Variants in FIGN observed in about 807,000 individuals in gnomAD.
FIGN encodes the protein fidgetin, microtubule severing factor, also known as fidgetin.
FIGN carries 11 observed loss-of-function variants against 51.3 expected under a neutral mutation model. The ratio of observed to expected loss-of-function variants is 0.21; its 90% confidence interval spans 0.13 to 0.35. The LOEUF (loss-of-function observed/expected upper bound fraction) is 0.35, where lower values mean the gene tolerates loss of function less well. Among genes scored for constraint, FIGN ranks in the 10% least tolerant of loss-of-function variants. The probability of loss-of-function intolerance (pLI) is 1.00; values close to 1 mark genes in which losing one functional copy is unlikely to be tolerated. For missense variants in FIGN, 857 were observed against 943.6 expected, an observed-to-expected ratio of 0.91 and a Z score of 1.20; for synonymous variants, 407 against 363.2, an observed-to-expected ratio of 1.12 and a Z score of -1.37.
chr2:163,689,173 A>AACACAC (rs58519537), intron 2 of FIGN, among the ~76,000 whole-genome samples: 1,546 of 144,756 alleles, frequency 0.011, 36 homozygotes, highest in African/African-American at 0.038. Flanking sequence ...AACAAAAATG[A>AACACAC]ACACACACAC....
intron 2 of FIGN, among the ~76,000 whole-genome samples, chr2:163,653,843 G>T (rs1366158096): frequency 6.6e-6 from 1 of 151,874 alleles, no homozygotes; most frequent in Admixed American, 6.6e-5. Context: ...TTAATTTTAG[G>T]TACAGTTTTA....
intron 2 of FIGN, among the ~76,000 whole-genome samples, chr2:163,627,606 T>C (rs1683072696): frequency 6.6e-6 from 1 of 152,128 alleles, no homozygotes; most frequent in African/African-American, 2.4e-5. Flanking sequence ...CTCAAGTTTC[T>C]TCTCAAAATG....
intron 2 of FIGN, among the ~76,000 whole-genome samples, chr2:163,643,932 CAA>C (rs1162234909): frequency 6.8e-4 from 13 of 19,076 alleles, no homozygotes; most frequent in Admixed American, 1.3e-3. Context: ...AACTCTGTCT[CAA>C]AAAAAAAAAA....
At chr2:163,668,527 T>C (rs747621980) in intron 2 of FIGN, among the ~76,000 whole-genome samples, 12 of 152,246 alleles carry the variant, frequency 7.9e-5, no homozygotes, top group Admixed American at 3.9e-4. Flanking sequence ...AATGAAAGCC[T>C]GATTTGAATT....
chr2:163,668,014 A>AAC (rs1491089658), intron 2 of FIGN, among the ~76,000 whole-genome samples: 16 of 106,878 alleles, frequency 1.5e-4, no homozygotes, highest in East Asian at 3.8e-4. Flanking sequence ...CCTACCTCCA[A>AAC]CCCCCCCCCC....
intron 2 of FIGN, among the ~76,000 whole-genome samples, chr2:163,732,905 T>G (rs1248674131): frequency 6.6e-6 from 1 of 152,226 alleles, no homozygotes; most frequent in Non-Finnish European, 1.5e-5. Context: ...CACAACACAC[T>G]TTTAATTTGC....
At chr2:163,651,086 C>T (rs1683466656) in intron 2 of FIGN, among the ~76,000 whole-genome samples, 1 of 152,198 alleles carries the variant, frequency 6.6e-6, no homozygotes, top group Admixed American at 6.5e-5. Flanking sequence ...TCTGCACATA[C>T]TAAAGACTTA....
In FIGN at chr2:163,643,381, T is replaced by C. The variant is rs140885287; in HGVS notation, c.26-31575A>G. ...ACAATATACAAATGTACAGGGGTGG[T>C]AGCTGATGCTTGTAATCCCAGCATT... On this transcript the variant is annotated intron_variant, in intron 2 of 2. Transcript: ENST00000333129. Among the ~76,000 whole-genome samples the C allele has an allele frequency of 9.3e-4, 142 of 152,268 alleles. 1 individual carries two copies. In the Middle Eastern group the frequency reaches 0.034, roughly 36 times the overall value.
chr2:163,623,637 A>C (rs1683006665), intron 2 of FIGN, among the ~76,000 whole-genome samples: 1 of 152,174 alleles, frequency 6.6e-6, no homozygotes, highest in Non-Finnish European at 1.5e-5. Context: ...CATACCTAGA[A>C]CCAGTATCCT....
chr2:163,674,098 T>C (rs1683920969), intron 2 of FIGN, among the ~76,000 whole-genome samples: 1 of 152,170 alleles, frequency 6.6e-6, no homozygotes, highest in African/African-American at 2.4e-5. Context: ...GTTTTCTCAC[T>C]TCTCTCTCAG....
chr2:163,631,640 T>A (rs1208821780), intron 2 of FIGN, among the ~76,000 whole-genome samples: 1 of 152,168 alleles, frequency 6.6e-6, no homozygotes, highest in Non-Finnish European at 1.5e-5. Flanking sequence ...GTACTTATAC[T>A]GCATTTTGTT....
intron 2 of FIGN, among the ~76,000 whole-genome samples, chr2:163,697,107 T>C (rs1406652591): frequency 1.4e-5 from 2 of 145,680 alleles, no homozygotes; most frequent in Non-Finnish European, 3.0e-5. Flanking sequence ...TTTCTTTCTT[T>C]TTTTTTTTTT....
At chr2:163,734,776 T>A (rs1684989154) in intron 2 of FIGN, 127 bp downstream of exon 2, 4 of 794,684 alleles carry the variant, frequency 5.0e-6, no homozygotes, top group Non-Finnish European at 7.7e-6. Context: ...AAACATATAT[T>A]TTTTAAAAAA....
intron 2 of FIGN, among the ~76,000 whole-genome samples, chr2:163,628,922 G>A (rs1031792316): frequency 6.6e-6 from 1 of 152,132 alleles, no homozygotes; most frequent in Non-Finnish European, 1.5e-5. Context: ...CAGAGCTAAA[G>A]TTGCAACCTG....
intron 2 of FIGN, among the ~76,000 whole-genome samples, chr2:163,633,483 A>C (rs1683179584): frequency 6.6e-6 from 1 of 152,212 alleles, no homozygotes; most frequent in South Asian, 2.1e-4. Context: ...GAAACCAGGC[A>C]GTCTTGCTCT....
intron 2 of FIGN, among the ~76,000 whole-genome samples, chr2:163,707,292 C>A (rs1036442703): frequency 6.6e-6 from 1 of 151,722 alleles, no homozygotes; most frequent in Non-Finnish European, 1.5e-5. Flanking sequence ...GAGGTTGCAC[C>A]TTGCAGTGGG....
intron 2 of FIGN, among the ~76,000 whole-genome samples, chr2:163,677,342 A>G (rs770930618): frequency 9.2e-5 from 14 of 152,208 alleles, no homozygotes; most frequent in Non-Finnish European, 1.9e-4. Flanking sequence ...TATCCCAAAT[A>G]CCTTAACCCC....
Position 163,610,421 on chromosome 2 carries a change from G to A in FIGN, c.1411C>T (p.Leu471=), listed in dbSNP as rs1443367987. ...LKNTDTHLID[L]VTNEIITQGP... is the part of the protein sequence containing the mutation. ...TGGGTGATAATCTCATTGGTTACCAGGTCGATGAGGTGCGTGTCAGTATTC... is the reference window on the plus strand; with the variant it reads ...TGGGTGATAATCTCATTGGTTACCAAGTCGATGAGGTGCGTGTCAGTATTC... Residue 471 remains leucine, a synonymous_variant, in exon 3 of 3, where the codon CTG becomes TTG. Coordinates refer to ENST00000333129, the MANE Select transcript of FIGN (RefSeq NM_018086.4). 6.2e-7 allele frequency: 1 copy of A among 1,613,998 alleles called. No individual in the cohort carries two copies. Among genetic ancestry groups the A allele is most frequent in the Non-Finnish European group, 8.5e-7 (1 of 1,180,026 alleles).
intron 2 of FIGN, among the ~76,000 whole-genome samples, chr2:163,726,352 C>A (rs892872265): frequency 6.6e-6 from 1 of 151,924 alleles, no homozygotes; most frequent in Non-Finnish European, 1.5e-5. Context: ...GGGATAAGAC[C>A]CACATCTTTT....
Sources: gnomAD v4.1 joint callset for allele counts (sites outside exome capture counted in the v4.1 genomes callset) on GRCh38, gnomAD v4.1.1 for gene constraint, MANE v1.5 for transcripts, NCBI Gene and HGNC (gene_info 2026-07-23, HGNC 2026-07-21) for gene names.